The following NEBL variants were observed in gnomAD, a reference collection of about 807,000 sequenced individuals.
NEBL encodes the protein nebulette.
Under a neutral mutation model 140.2 loss-of-function variants are expected in NEBL, and 122 were observed. The observed-to-expected ratio is 0.87, with a 90% CI of 0.75 to 1.01. The LOEUF (loss-of-function observed/expected upper bound fraction) is 1.01. NEBL is among the 50% of genes least tolerant of loss of function. The probability of loss-of-function intolerance (pLI) is 0.00; values close to 1 mark genes in which losing one functional copy is unlikely to be tolerated. For missense variants in NEBL, 1,365 were observed against 1,231.3 expected, an observed-to-expected ratio of 1.11 and a Z score of -1.62; for synonymous variants, 436 against 398.9, an observed-to-expected ratio of 1.09 and a Z score of -1.11.
At chr10:21,129,243 G>C (rs1156446348) in intron 2 of NEBL, among the ~76,000 whole-genome samples, 20 of 151,906 alleles carry the variant, frequency 1.3e-4, no homozygotes, top group Admixed American at 1.3e-3. Context: ...GGCGTAAGTA[G>C]AGGTAAAATT....
intron 2 of NEBL, among the ~76,000 whole-genome samples, chr10:21,028,563 G>A (rs1833640392): frequency 6.6e-6 from 1 of 152,138 alleles, no homozygotes; most frequent in African/African-American, 2.4e-5. Context: ...AATAAGTTGA[G>A]AGGGCATATG....
chr10:21,019,686 G>T lies in NEBL; in HGVS notation c.249+431C>A, dbSNP rs574931389. On this transcript the variant is annotated intron_variant, in intron 3 of 6. Coordinates refer to the NEBL transcript ENST00000417816. ...TGAAAGAAATATGAACAAAGTGACA[G>T]GAGGAAAACAAAGCCCTTGGCTGGT... Among the ~76,000 whole-genome samples the T allele has an allele frequency of 2.6e-4, 39 of 152,326 alleles. 1 individual carries two copies. The South Asian group carries it at 8.1e-3, about 32-fold the overall frequency.
intron 3 of NEBL, among the ~76,000 whole-genome samples, chr10:20,974,531 G>A (rs746121607): frequency 1.8e-4 from 27 of 152,104 alleles, no homozygotes; most frequent in Non-Finnish European, 2.8e-4. Context: ...CTATAAGCAT[G>A]AGCCACTGCA....
At chr10:21,284,981 T>A (rs971265358) in intron 1 of NEBL, among the ~76,000 whole-genome samples, 1 of 152,178 alleles carries the variant, frequency 6.6e-6, no homozygotes, top group Non-Finnish European at 1.5e-5. Flanking sequence ...GGAGGATCTT[T>A]GAGCCCAGGA....
chr10:21,196,536 G>A lies in NEBL; in HGVS notation n.349-24059C>T, dbSNP rs184639599. On this transcript the variant is annotated intron_variant and non_coding_transcript_variant, in intron 3 of 8. Coordinates refer to the NEBL transcript ENST00000675702. ...ATTTTTGTATTTTTAATAGGGACGG[G>A]GTTTCACAATGTTGGCCAGGCTGGT... Among the ~76,000 whole-genome samples, 450 of 151,390 alleles carry A rather than the reference G, an allele frequency of 3.0e-3. 2 individuals carry two copies. Among genetic ancestry groups the A allele is most frequent in the African/African-American group, 0.011 (435 of 41,212 alleles).
intron 2 of NEBL, among the ~76,000 whole-genome samples, chr10:21,070,881 A>G (rs549175294): frequency 4.6e-5 from 7 of 152,346 alleles, no homozygotes; most frequent in African/African-American, 1.7e-4. Flanking sequence ...ATCAACTTTT[A>G]GAAATGATTT....
At chr10:21,063,436 A>T (rs1835390187) in intron 2 of NEBL, among the ~76,000 whole-genome samples, 1 of 152,226 alleles carries the variant, frequency 6.6e-6, no homozygotes. Context: ...ACAGTTAGTC[A>T]AATTTAACAA....
intron 3 of NEBL, among the ~76,000 whole-genome samples, chr10:21,199,081 G>A (rs1178689649): frequency 6.6e-6 from 1 of 151,686 alleles, no homozygotes; most frequent in African/African-American, 2.4e-5. Flanking sequence ...CTGGAGTACA[G>A]CAGTGCAATC....
At chr10:20,962,650 T>C (rs1836106706) in intron 3 of NEBL, among the ~76,000 whole-genome samples, 1 of 152,222 alleles carries the variant, frequency 6.6e-6, no homozygotes. Flanking sequence ...ATTTGGCTTG[T>C]TAATGACTGA....
chr10:21,002,593 C>A (rs1462892652), intron 3 of NEBL, among the ~76,000 whole-genome samples: 1 of 152,122 alleles, frequency 6.6e-6, no homozygotes, highest in Admixed American at 6.5e-5. Flanking sequence ...GTTCTGCAGG[C>A]TGTACAGGAA....
At chr10:21,132,604 C>T (rs963433253) in intron 2 of NEBL, among the ~76,000 whole-genome samples, 3 of 152,228 alleles carry the variant, frequency 2.0e-5, no homozygotes, top group Non-Finnish European at 4.4e-5. Flanking sequence ...CTCCCACCTG[C>T]GATGTGTGAG....
chr10:20,903,318 C>A (rs566498795), intron 4 of NEBL, among the ~76,000 whole-genome samples: 1 of 152,032 alleles, frequency 6.6e-6, no homozygotes. Flanking sequence ...CAATAAGATA[C>A]GGCCTTACCC....
intron 2 of NEBL, among the ~76,000 whole-genome samples, chr10:21,023,465 A>G (rs1473258050): frequency 6.6e-6 from 1 of 152,108 alleles, no homozygotes; most frequent in African/African-American, 2.4e-5. Context: ...AGGACGAGGC[A>G]GGTGGATCAC....
Position 21,287,138 on chromosome 10 carries a change from C to T in NEBL, n.182+5692G>A, listed in dbSNP as rs139872184. On this transcript the variant is annotated intron_variant and non_coding_transcript_variant, in intron 1 of 8. Transcript: ENST00000675702. ...TAACAGAGAAGCAAGTACCGGCATC[C>T]ATCACAAAGACCAGGAGGTCAGCAG... Among the ~76,000 whole-genome samples the T allele has an allele frequency of 9.8e-4, 150 of 152,290 alleles. 2 individuals carry two copies. In the East Asian group the frequency reaches 0.01, roughly 10 times the overall value.
At chr10:21,274,579 C>G (rs1349959855) in intron 1 of NEBL, among the ~76,000 whole-genome samples, 1 of 152,054 alleles carries the variant, frequency 6.6e-6, no homozygotes, top group Non-Finnish European at 1.5e-5. Context: ...GAATGCACCT[C>G]CACTCCTGGC....
chr10:21,186,984 C>CTG (rs1222012147), intron 3 of NEBL, among the ~76,000 whole-genome samples: 3 of 135,248 alleles, frequency 2.2e-5, no homozygotes, highest in Admixed American at 1.5e-4. Flanking sequence ...AGGGCCAACT[C>CTG]TGTATGTGTG....
intron 1 of NEBL, among the ~76,000 whole-genome samples, chr10:21,257,821 C>A (rs533892793): frequency 1.3e-5 from 2 of 151,698 alleles, no homozygotes; most frequent in African/African-American, 4.8e-5. Context: ...GGAGGTGGAG[C>A]TTGCAGTGAG....
At chr10:20,938,507 C>T (rs935389726) in intron 4 of NEBL, among the ~76,000 whole-genome samples, 3 of 152,148 alleles carry the variant, frequency 2.0e-5, no homozygotes, top group African/African-American at 7.2e-5. Context: ...AGCAGAAAAG[C>T]TGAAAATTCT....
intron 2 of NEBL, among the ~76,000 whole-genome samples, chr10:21,036,607 C>T: frequency 6.6e-6 from 1 of 152,218 alleles, no homozygotes; most frequent in Non-Finnish European, 1.5e-5. Flanking sequence ...GGAAATGTCA[C>T]CAGGCCCACA....
Sources: allele counts gnomAD v4.1 joint callset (sites outside exome capture counted in the v4.1 genomes callset), GRCh38; gene constraint gnomAD v4.1.1; transcripts MANE v1.5; gene names NCBI Gene and HGNC (gene_info 2026-07-23, HGNC 2026-07-21).